Variants in BTN3A2 observed in about 807,000 individuals in gnomAD.
BTN3A2 encodes butyrophilin subfamily 3 member A2, also known as butyrophilin protein.
In BTN3A2, 25 loss-of-function variants were observed where a neutral mutation model predicts 37.6. That is an observed-to-expected ratio of 0.66 (90% CI 0.48 to 0.93). The LOEUF (loss-of-function observed/expected upper bound fraction) is 0.93, where lower values mean the gene tolerates loss of function less well. BTN3A2 is among the 40% of genes least tolerant of loss of function. BTN3A2 has a pLI of 0.00. For synonymous variants in BTN3A2, 122 were observed against 159.4 expected (o/e 0.77, Z 1.77); for missense variants, 266 against 410.9 (o/e 0.65, Z 3.05).
intron 3 of BTN3A2, 108 bp from the exon 4 acceptor site, chr6:26,368,457 T>C (rs963978243): frequency 7.1e-6 from 11 of 1,558,200 alleles, no homozygotes; most frequent in Non-Finnish European, 9.7e-6. Context: ...TAGGATTGTG[T>C]TCCCCTCTAG....
rs1014889098 is a variant in BTN3A2, at chr6:26,376,967, T to G, written c.*1205T>G. On this transcript the variant is annotated 3_prime_UTR_variant, in exon 11 of 11. Transcript: ENST00000377708. ...TCATCCTGGACTATGAGACTGGACA[T>G]ATCTCGTTCTACAATGCCACGGATG... The G allele has an allele frequency of 3.1e-5, 48 of 1,571,512 alleles. No individual in the cohort carries two copies. Among genetic ancestry groups the G allele is most frequent in the Admixed American group, 1.7e-4 (10 of 59,754 alleles).
rs1759997354 is a variant in BTN3A2, at chr6:26,370,478, A to G, written c.590A>G (p.Asp197Gly). ...GCTGTGGAAGCACCTGTGGTTGCAG[A>G]TGGAGTGGGCCTATATGAAGTAGCA... ...IPAVEAPVVADGVGLYEVAAS... is the reference protein window; with the variant it reads ...IPAVEAPVVAGGVGLYEVAAS... Residue 197 changes from aspartate to glycine, a missense_variant, in exon 5 of 11, where the codon GAT becomes GGT. By Grantham distance (94) the Asp-to-Gly change is moderately conservative. Coordinates refer to ENST00000377708, the MANE Select transcript of BTN3A2 (RefSeq NM_007047.5). 2 of 1,614,190 alleles carry G rather than the reference A, an allele frequency of 1.2e-6. No individual in the cohort carries two copies. Among genetic ancestry groups the G allele is most frequent in the East Asian group, 2.2e-5 (1 of 44,874 alleles).
rs1339165501 is a variant in BTN3A2, at chr6:26,374,378, G to A, written c.*6+5G>A. ...AATAAGTCAGCCTGATGCTCTGTAA[G>A]TTTGCTGGGTCACATGCCCTGAATA... On this transcript the variant is annotated splice_donor_5th_base_variant and intron_variant, in intron 9 of 10. Coordinates refer to ENST00000377708, the MANE Select transcript of BTN3A2 (RefSeq NM_007047.5). The A allele has an allele frequency of 1.2e-6, 2 of 1,613,100 alleles. No homozygotes were observed. Among genetic ancestry groups the A allele is most frequent in the Non-Finnish European group, 1.7e-6 (2 of 1,179,242 alleles).
At chr6:26,370,650 T>C (rs759465271) in intron 5 of BTN3A2, 47 bp downstream of exon 5, 2 of 1,607,966 alleles carry the variant, frequency 1.2e-6, no homozygotes, top group South Asian at 2.2e-5. Context: ...GCTGTGGCAG[T>C]TGAATGAAGG....
In BTN3A2 at chr6:26,370,547, GCAT is replaced by G; in HGVS notation, c.665_667del (p.Ile222del). On this transcript the variant is annotated inframe_deletion, in exon 5 of 11. Coordinates refer to ENST00000377708, the MANE Select transcript of BTN3A2 (RefSeq NM_007047.5). ...GGCGGCTCCGGGGAGGGTGTATCCT[GCAT>G]CATCAGAAATTCCCTCCTCGGCCTG... 1 of 1,614,220 alleles carries G rather than the reference GCAT, an allele frequency of 6.2e-7. No individual in the cohort carries two copies. The highest frequency in any genetic ancestry group is 8.5e-7 in the Non-Finnish European group (1 of 1,180,040).
At chr6:26,370,243 G>A (rs1759962242) in intron 4 of BTN3A2, 79 bp from the exon 5 acceptor site, 4 of 1,498,866 alleles carry the variant, frequency 2.7e-6, no homozygotes, top group Non-Finnish European at 3.7e-6. Context: ...TATCAAATCT[G>A]AGCCTGACAT....
intron 1 of BTN3A2, among the ~76,000 whole-genome samples, chr6:26,367,462 G>A (rs1351318645): frequency 6.6e-6 from 1 of 152,208 alleles, no homozygotes; most frequent in Non-Finnish European, 1.5e-5. Flanking sequence ...TCCCATGACT[G>A]AGATCATCAA....
chr6:26,366,773 G>C (rs533837684), intron 1 of BTN3A2, among the ~76,000 whole-genome samples: 1 of 152,184 alleles, frequency 6.6e-6, no homozygotes, highest in Non-Finnish European at 1.5e-5. Flanking sequence ...CTTGTTCTCA[G>C]AGGCCATTCC....
At chr6:26,370,119 G>C (rs1759950730) in intron 4 of BTN3A2, among the ~76,000 whole-genome samples, 1 of 152,108 alleles carries the variant, frequency 6.6e-6, no homozygotes, top group African/African-American at 2.4e-5. Context: ...AATTGGGGTG[G>C]GTGGGAATAG....
Position 26,372,898 on chromosome 6 carries a change from C to G in BTN3A2, c.717C>G (p.Asp239Glu), listed in dbSNP as rs777332474. The change falls in exon 6 of 11, where the codon GAC (aspartate) becomes GAG (glutamate). Residue 239 changes from aspartate to glutamate, a missense_variant and splice_region_variant. By Grantham distance (45) the Asp-to-Glu change is conservative. Coordinates refer to ENST00000377708, the MANE Select transcript of BTN3A2 (RefSeq NM_007047.5). ...LEKTASISIA[D>E]PFFRSAQPWI... ...GACCTACAGCTCTCCCCTTCGCAGACCCCTTCTTCAGGAGCGCCCAGCCCT... is the reference window on the plus strand; with the variant it reads ...GACCTACAGCTCTCCCCTTCGCAGAGCCCTTCTTCAGGAGCGCCCAGCCCT... 6.2e-7 allele frequency: 1 copy of G among 1,613,310 alleles called. No homozygotes were observed. Among genetic ancestry groups the G allele is most frequent in the Non-Finnish European group, 8.5e-7 (1 of 1,180,018 alleles).
At chr6:26,374,601 A>C in intron 9 of BTN3A2, 170 bp from the exon 10 acceptor site, 1 of 904,918 alleles carries the variant, frequency 1.1e-6, no homozygotes, top group Non-Finnish European at 1.7e-6. Flanking sequence ...GCCAAGCCTG[A>C]CATTTTTGAG....
At chr6:26,365,476 G>A in intron 1 of BTN3A2, 124 bp downstream of exon 1, 1 of 157,326 alleles carries the variant, frequency 6.4e-6, no homozygotes, top group Non-Finnish European at 1.2e-5. Context: ...TGCAGTGCCT[G>A]TGTGTGTGTG....
intron 6 of BTN3A2, 71 bp downstream of exon 6, chr6:26,373,168 C>G: frequency 1.2e-6 from 2 of 1,606,602 alleles, no homozygotes; most frequent in South Asian, 2.2e-5. Context: ...ACCTCTCTCC[C>G]CTACCCTGGC....
chr6:26,366,596 T>C (rs1762086610), intron 1 of BTN3A2, among the ~76,000 whole-genome samples: 1 of 152,226 alleles, frequency 6.6e-6, no homozygotes, highest in African/African-American at 2.4e-5. Flanking sequence ...AATACCTCCT[T>C]CTCCTTAGGA....
At chr6:26,373,203 T>C (rs1481219340) in intron 6 of BTN3A2, 73 bp from the exon 7 acceptor site, 1 of 1,600,400 alleles carries the variant, frequency 6.2e-7, no homozygotes, top group East Asian at 2.2e-5. Flanking sequence ...AAGGTTTATT[T>C]CCCGAAACAC....
chr6:26,368,666 A>G lies in BTN3A2; in HGVS notation c.187A>G (p.Met63Val), dbSNP rs1759778432. ...HLFPTMSAET[M>V]ELKWVSSSLR... ...GTTCCCGACCATGAGTGCAGAGACC[A>G]TGGAGCTGAAGTGGGTAAGTTCCAG... The change falls in exon 4 of 11, where the codon ATG (methionine) becomes GTG (valine). Residue 63 changes from methionine to valine, a missense_variant. Met to Val is a conservative substitution (Grantham distance 21, BLOSUM62 1). Coordinates refer to ENST00000377708, the MANE Select transcript of BTN3A2 (RefSeq NM_007047.5). 1.9e-6 allele frequency: 3 copies of G among 1,614,064 alleles called. No homozygotes were observed. The highest frequency in any genetic ancestry group is 2.5e-6 in the Non-Finnish European group (3 of 1,179,880).
chr6:26,376,604 T>G lies in BTN3A2; in HGVS notation c.*842T>G. 6.9e-7 allele frequency: 1 copy of G among 1,440,688 alleles called. No homozygotes were observed. The highest frequency in any genetic ancestry group is 9.6e-7 in the Non-Finnish European group (1 of 1,042,568). 89.2% of individuals were successfully genotyped at this position (1,440,688 alleles called of 1,614,324 possible). On this transcript the variant is annotated 3_prime_UTR_variant, in exon 11 of 11. Coordinates refer to ENST00000377708, the MANE Select transcript of BTN3A2 (RefSeq NM_007047.5). Reference sequence around the variant, plus strand: ...TAATTCTGTATCCAGACATGGCAAATGCCATCCTCCTTGTTTCTGAGGACC... The same window carrying G: ...TAATTCTGTATCCAGACATGGCAAAGGCCATCCTCCTTGTTTCTGAGGACC...
chr6:26,365,490 G>C (rs1363854061), intron 1 of BTN3A2, 138 bp downstream of exon 1: 15 of 650,824 alleles, frequency 2.3e-5, no homozygotes, highest in Middle Eastern at 3.0e-4. Flanking sequence ...GTGTGTGTGT[G>C]TGTGTGTGTG....
chr6:26,370,043 A>G (rs1461095113), intron 4 of BTN3A2, among the ~76,000 whole-genome samples: 4 of 152,216 alleles, frequency 2.6e-5, no homozygotes, highest in African/African-American at 7.2e-5. Flanking sequence ...CTCTAAAGGA[A>G]GTCCTCAATG....
Sources: allele counts gnomAD v4.1 joint callset (sites outside exome capture counted in the v4.1 genomes callset), GRCh38; gene constraint gnomAD v4.1.1; transcripts MANE v1.5; gene names NCBI Gene and HGNC (gene_info 2026-07-23, HGNC 2026-07-21).